Variants in PCDHGA11 observed in about 807,000 individuals in gnomAD.
PCDHGA11 encodes the protein protocadherin gamma-A11.
Under a neutral mutation model 60.4 loss-of-function variants are expected in PCDHGA11, and 39 were observed. That is an observed-to-expected ratio of 0.65 (90% CI 0.50 to 0.84). PCDHGA11 has a LOEUF of 0.84. PCDHGA11 is among the 40% of genes least tolerant of loss of function. The pLI is 0.00. For missense variants in PCDHGA11, 1,165 were observed against 1,197.7 expected (o/e 0.97, Z 0.40); for synonymous variants, 533 against 510.3 (o/e 1.04, Z -0.60).
Position 141,422,149 on chromosome 5 carries a change from C to G in PCDHGA11, c.922C>G (p.Leu308Val). Reference protein sequence around the residue: ...QTGEVQVRGSLDFEKYRFYEM... With the variant: ...QTGEVQVRGSVDFEKYRFYEM... ...TGGAGAAGTTCAAGTACGGGGGTCT[C>G]TGGATTTTGAAAAATATAGATTCTA... Residue 308 changes from leucine (L) to valine (V), a missense_variant, in exon 1 of 4, where the codon CTG becomes GTG. Coordinates refer to ENST00000398587, the MANE Select transcript of PCDHGA11 (RefSeq NM_018914.3). The G allele has an allele frequency of 6.3e-7, 1 of 1,577,238 alleles. No individual in the cohort carries two copies.
chr5:141,500,104 T>G (rs917633032), intron 2 of PCDHGA11, among the ~76,000 whole-genome samples: 4 of 152,124 alleles, frequency 2.6e-5, no homozygotes, highest in Non-Finnish European at 4.4e-5. Flanking sequence ...AATTTATTTG[T>G]TGAATCCCTG....
Position 141,422,338 on chromosome 5 carries a change from A to C in PCDHGA11, c.1111A>C (p.Asn371His). ...SPPGTVIALL[N>H]VQDQDSGENG... ...TCCAGGTACAGTGATTGCTCTTCTA[A>C]ATGTGCAAGATCAAGATTCTGGAGA... The change falls in exon 1 of 4, where the codon AAT becomes CAT. Residue 371 changes from asparagine to histidine, a missense_variant. Coordinates refer to ENST00000398587, the MANE Select transcript of PCDHGA11 (RefSeq NM_018914.3). The C allele has an allele frequency of 6.5e-7, 1 of 1,550,090 alleles. No individual in the cohort carries two copies. The highest frequency in any genetic ancestry group is 8.7e-7 in the Non-Finnish European group (1 of 1,154,174).
At chr5:141,444,152 A>ATTTTTTTTTTTTTTTTT (rs747671382) in intron 1 of PCDHGA11, among the ~76,000 whole-genome samples, 1 of 33,898 alleles carries the variant, frequency 3.0e-5, no homozygotes, top group African/African-American at 1.4e-4. Context: ...TGTGTACTGG[A>ATTTTTTTTTTTTTTTTT]TTTTTTTTTT....
At chr5:141,447,313 T>C (rs2098534296) in intron 1 of PCDHGA11, among the ~76,000 whole-genome samples, 1 of 152,146 alleles carries the variant, frequency 6.6e-6, no homozygotes, top group African/African-American at 2.4e-5. Context: ...CTAATTTTTG[T>C]ATTTTTAGTA....
chr5:141,459,886 G>A (rs932435611), intron 1 of PCDHGA11, among the ~76,000 whole-genome samples: 2 of 152,080 alleles, frequency 1.3e-5, no homozygotes, highest in Non-Finnish European at 2.9e-5. Context: ...TGAGCTGAAC[G>A]CCTTCTTAAA....
At chr5:141,424,022 A>G (rs2096795541) in intron 1 of PCDHGA11, 13 of 1,046,584 alleles carry the variant, frequency 1.2e-5, no homozygotes, top group Non-Finnish European at 1.4e-5. Context: ...ATGATTCACA[A>G]ACACTTTTTA....
At position 141,476,518 on chromosome 5, in the gene PCDHGA11, T is replaced by C; in HGVS notation, c.2434-18289T>C. 1 of 1,614,214 alleles carries C rather than the reference T, an allele frequency of 6.2e-7. No individual in the cohort carries two copies. Among genetic ancestry groups the C allele is most frequent in the Non-Finnish European group, 8.5e-7 (1 of 1,180,038 alleles). ...AGGACATCAACGACAACAATCCTGC[T>C]TTCCCTACCCAGGAAATGAAATTGG... is the stretch of plus-strand genomic sequence containing the variant. On this transcript the variant is annotated intron_variant, in intron 1 of 3. Transcript: ENST00000398587. This position sits in a 1 kb window ranked among gnomAD's most constrained non-coding sequence, Gnocchi z 7.6.
intron 1 of PCDHGA11, among the ~76,000 whole-genome samples, chr5:141,458,102 A>G (rs1314999618): frequency 6.6e-6 from 1 of 152,246 alleles, no homozygotes; most frequent in Admixed American, 6.5e-5. Context: ...GTACTTACAG[A>G]TAGTCTCCAA....
chr5:141,475,542 G>A (rs1182059354), intron 1 of PCDHGA11, among the ~76,000 whole-genome samples: 1 of 152,174 alleles, frequency 6.6e-6, no homozygotes, highest in East Asian at 1.9e-4. Flanking sequence ...TTACAAGTAG[G>A]GTCCGGCTAA....
chr5:141,487,293 C>T lies in PCDHGA11; in HGVS notation c.2434-7514C>T. ...GCAATTTGCTTTGTCTCCTTTGGCT[C>T]ATTCGTGGCACTACTCTCTAAGTGT... is the stretch of plus-strand genomic sequence containing the variant. On this transcript the variant is annotated intron_variant, in intron 1 of 3. Transcript: ENST00000398587. The surrounding 1 kb of genome is among the most constrained non-coding windows in gnomAD (Gnocchi z 5.0). 1 of 1,614,148 alleles carries T rather than the reference C, an allele frequency of 6.2e-7. No individual in the cohort carries two copies. Among genetic ancestry groups the T allele is most frequent in the Non-Finnish European group, 8.5e-7 (1 of 1,180,010 alleles).
chr5:141,484,242 A>G (rs995022030), intron 1 of PCDHGA11, among the ~76,000 whole-genome samples: 1 of 152,216 alleles, frequency 6.6e-6, no homozygotes, highest in African/African-American at 2.4e-5. Flanking sequence ...TCTGGTCCTT[A>G]GCACCTCCCA....
chr5:141,442,675 G>A (rs1381554808), intron 1 of PCDHGA11, among the ~76,000 whole-genome samples: 1 of 152,248 alleles, frequency 6.6e-6, no homozygotes, highest in Admixed American at 6.5e-5. Context: ...GTGAGCTTGA[G>A]GGACAGTAGT....
intron 1 of PCDHGA11, among the ~76,000 whole-genome samples, chr5:141,445,885 G>A (rs1171777990): frequency 1.3e-5 from 2 of 152,148 alleles, no homozygotes; most frequent in African/African-American, 4.8e-5. Flanking sequence ...CTTGTACTTA[G>A]GAGCTATTAA....
chr5:141,507,196 CCAGAT>C (rs2099859095), intron 3 of PCDHGA11: 1 of 152,374 alleles, frequency 6.6e-6, no homozygotes, highest in Non-Finnish European at 1.5e-5. Context: ...CTTTATTCTT[CCAGAT>C]CAGGGTTGCC....
In PCDHGA11 at chr5:141,486,702, T is replaced by C; in HGVS notation, c.2434-8105T>C. On this transcript the variant is annotated intron_variant, in intron 1 of 3. Coordinates refer to ENST00000398587, the MANE Select transcript of PCDHGA11 (RefSeq NM_018914.3). The surrounding 1 kb of genome is among the most constrained non-coding windows in gnomAD (Gnocchi z 5.0). ...GTATCAGCTTCCTCTTTCATCTCTC[T>C]GAACCCCCAGACAGGAGCTGTTCAT... is the stretch of plus-strand genomic sequence containing the variant. 3 of 1,614,218 alleles carry C rather than the reference T, an allele frequency of 1.9e-6. No homozygotes were observed. Among genetic ancestry groups the C allele is most frequent in the Non-Finnish European group, 2.5e-6 (3 of 1,180,040 alleles).
Position 141,431,112 on chromosome 5 carries a change from GAGTAGA to G in PCDHGA11, c.2433+7463_2433+7468del, listed in dbSNP as rs764068262. On this transcript the variant is annotated intron_variant, in intron 1 of 3. Transcript: ENST00000398587. The surrounding 1 kb of genome is among the most constrained non-coding windows in gnomAD (Gnocchi z 4.8). ...ATGGAGGATAAAGTGAAAATATATG[GAGTAGA>G]AGTAGAAGTAAGGGACATTAACGAC... The G allele has an allele frequency of 1.7e-5, 28 of 1,614,128 alleles. No individual in the cohort carries two copies. The highest frequency in any genetic ancestry group is 3.3e-5 in the South Asian group (3 of 91,092).
chr5:141,460,388 G>T (rs1425099375), intron 1 of PCDHGA11, among the ~76,000 whole-genome samples: 1 of 151,774 alleles, frequency 6.6e-6, no homozygotes, highest in East Asian at 1.9e-4. Context: ...TTATAATTTG[G>T]TCTATGAATC....
chr5:141,428,846 A>G (rs936271540), intron 1 of PCDHGA11: 1 of 143,414 alleles, frequency 7.0e-6, no homozygotes, highest in Non-Finnish European at 1.5e-5. Flanking sequence ...CATTTTCACC[A>G]TTTTTACGGG....
chr5:141,491,507 C>A lies in PCDHGA11; in HGVS notation c.2434-3300C>A, dbSNP rs755899622. 1.9e-6 allele frequency: 3 copies of A among 1,614,038 alleles called. No individual in the cohort carries two copies. The highest frequency in any genetic ancestry group is 1.6e-4 in the Middle Eastern group (1 of 6,062). Reference sequence around the variant, plus strand: ...AACCTGCAGGTGAGCTCGGACGGCACGCTCAAGTACATGGAGGTGACGCTG... The same window carrying A: ...AACCTGCAGGTGAGCTCGGACGGCAAGCTCAAGTACATGGAGGTGACGCTG... On this transcript the variant is annotated intron_variant, in intron 1 of 3. Transcript: ENST00000398587. The surrounding 1 kb of genome is among the most constrained non-coding windows in gnomAD (Gnocchi z 6.9).
Sources: gnomAD v4.1 joint callset for allele counts (sites outside exome capture counted in the v4.1 genomes callset) on GRCh38, gnomAD v4.1.1 for gene constraint, Gnocchi (gnomAD v3.1) non-coding constraint, MANE v1.5 for transcripts, NCBI Gene and HGNC (gene_info 2026-07-23, HGNC 2026-07-21) for gene names.